Variants in B3GAT2 observed in about 807,000 individuals in gnomAD.
B3GAT2 encodes the protein beta-1,3-glucuronyltransferase 2.
In B3GAT2, 26 loss-of-function variants were observed where a neutral mutation model predicts 27.8. That is an observed-to-expected ratio of 0.93 (90% CI 0.68 to 1.30). B3GAT2 has a LOEUF of 1.30. B3GAT2 is among the 50% of genes most tolerant of loss of function. The probability of loss-of-function intolerance (pLI) is 0.00; values close to 1 mark genes in which losing one functional copy is unlikely to be tolerated. For missense variants in B3GAT2, 458 were observed against 459.0 expected, an observed-to-expected ratio of 1.00 and a Z score of 0.02; for synonymous variants, 218 against 195.1, an observed-to-expected ratio of 1.12 and a Z score of -0.98.
At chr6:70,910,138 G>C (rs571839730) in intron 1 of B3GAT2, among the ~76,000 whole-genome samples, 1 of 152,178 alleles carries the variant, frequency 6.6e-6, no homozygotes, top group African/African-American at 2.4e-5. Flanking sequence ...CTTCCAAAGT[G>C]CTGGGATTAC....
At chr6:70,913,563 AGT>A (rs1048273403) in intron 1 of B3GAT2, among the ~76,000 whole-genome samples, 56 of 152,260 alleles carry the variant, frequency 3.7e-4, no homozygotes, top group African/African-American at 1.3e-3. Flanking sequence ...ATGGTCCAAG[AGT>A]GTGGTTAGTG....
intron 1 of B3GAT2, among the ~76,000 whole-genome samples, chr6:70,918,259 C>A (rs1772807926): frequency 6.6e-6 from 1 of 152,056 alleles, no homozygotes; most frequent in Non-Finnish European, 1.5e-5. Flanking sequence ...CTTGGTAGAT[C>A]TTCTTCCATC....
chr6:70,863,177 C>A (rs1771792469), intron 2 of B3GAT2, among the ~76,000 whole-genome samples: 1 of 152,160 alleles, frequency 6.6e-6, no homozygotes, highest in East Asian at 1.9e-4. Context: ...AAGCTCCGGG[C>A]ACCAACCCAC....
chr6:70,888,115 C>T (rs1716009), intron 2 of B3GAT2, among the ~76,000 whole-genome samples: 16,792 of 152,082 alleles, frequency 0.11, 2,032 homozygotes, highest in East Asian at 0.38. Context: ...ATACAGGAGG[C>T]CCAGCCAGGC....
intron 2 of B3GAT2, among the ~76,000 whole-genome samples, chr6:70,864,603 T>C (rs749502880): frequency 6.6e-6 from 1 of 152,170 alleles, no homozygotes; most frequent in Non-Finnish European, 1.5e-5. Context: ...CGCAATTTCC[T>C]TTGCTCAGTG....
intron 1 of B3GAT2, among the ~76,000 whole-genome samples, chr6:70,930,221 C>T (rs766160861): frequency 2.7e-4 from 41 of 152,170 alleles, no homozygotes; most frequent in Non-Finnish European, 5.1e-4. Flanking sequence ...AAATGTAAGA[C>T]CTAAAACCAT....
chr6:70,902,175 A>T (rs1772510182), intron 1 of B3GAT2, among the ~76,000 whole-genome samples: 1 of 152,208 alleles, frequency 6.6e-6, no homozygotes, highest in Non-Finnish European at 1.5e-5. Flanking sequence ...GCATTAGTGT[A>T]AGGATAAATA....
chr6:70,938,932 C>A (rs1233067832), intron 1 of B3GAT2, among the ~76,000 whole-genome samples: 1 of 151,534 alleles, frequency 6.6e-6, no homozygotes, highest in East Asian at 1.9e-4. Context: ...TTCTGCACAG[C>A]AAAAGAAACT....
rs1771499256 is a variant in B3GAT2, at chr6:70,857,856, A to AT, written c.*3806dup. 14 of 1,546,912 alleles carry AT rather than the reference A, an allele frequency of 9.1e-6. No individual in the cohort carries two copies. The highest frequency in any genetic ancestry group is 1.2e-5 in the Non-Finnish European group (14 of 1,142,134). ...AGTTCAGAAAGGCAATTTTTCTGTG[A>AT]TTATAGAGATGAGTGCAACTACACG... On this transcript the variant is annotated 3_prime_UTR_variant, in exon 4 of 4. Coordinates refer to ENST00000230053, the MANE Select transcript of B3GAT2 (RefSeq NM_080742.3).
chr6:70,935,360 AGGAGAATTGCTTGACCCAGGGAGGT>A (rs1289358064), intron 1 of B3GAT2, among the ~76,000 whole-genome samples: 1 of 152,114 alleles, frequency 6.6e-6, no homozygotes, highest in Non-Finnish European at 1.5e-5. Flanking sequence ...AGGGTGAGGC[AGGAGAATTGCTTGACCCAGGGAGGT>A]GGAGGCTGCA....
At chr6:70,908,501 G>T (rs1481445390) in intron 1 of B3GAT2, among the ~76,000 whole-genome samples, 8 of 152,128 alleles carry the variant, frequency 5.3e-5, no homozygotes, top group African/African-American at 1.9e-4. Context: ...TGAAAAAAAT[G>T]TTTCACAGTT....
intron 1 of B3GAT2, among the ~76,000 whole-genome samples, chr6:70,942,756 C>A (rs1252958228): frequency 2.6e-5 from 4 of 152,116 alleles, no homozygotes; most frequent in East Asian, 1.9e-4. Flanking sequence ...GTAGAGAAGG[C>A]CTACTGACTT....
At chr6:70,947,066 G>A (rs2150051705) in intron 1 of B3GAT2, among the ~76,000 whole-genome samples, 1 of 151,700 alleles carries the variant, frequency 6.6e-6, no homozygotes, top group South Asian at 2.1e-4. Flanking sequence ...AGAATCTCTG[G>A]GACACATTCA....
intron 1 of B3GAT2, among the ~76,000 whole-genome samples, chr6:70,929,104 G>C (rs1048992124): frequency 6.6e-6 from 1 of 151,734 alleles, no homozygotes; most frequent in African/African-American, 2.4e-5. Context: ...GCAAACTATC[G>C]CAAGGACAAA....
chr6:70,951,820 G>A (rs2150053571), intron 1 of B3GAT2, among the ~76,000 whole-genome samples: 1 of 152,158 alleles, frequency 6.6e-6, no homozygotes, highest in Non-Finnish European at 1.5e-5. Context: ...ATAGCTTTCA[G>A]AGGGAAAGAA....
chr6:70,884,109 A>G (rs901470964), intron 2 of B3GAT2, among the ~76,000 whole-genome samples: 1 of 143,272 alleles, frequency 7.0e-6, no homozygotes, highest in Non-Finnish European at 1.5e-5. Context: ...AAAAAAAAAA[A>G]AAAACAAAAA....
intron 2 of B3GAT2, among the ~76,000 whole-genome samples, chr6:70,874,993 T>A (rs1276706430): frequency 6.6e-6 from 1 of 151,852 alleles, no homozygotes; most frequent in Non-Finnish European, 1.5e-5. Flanking sequence ...TTACCAAGAT[T>A]TAGCCTTTTT....
chr6:70,891,487 A>T (rs777328985), intron 2 of B3GAT2, among the ~76,000 whole-genome samples: 5 of 152,182 alleles, frequency 3.3e-5, no homozygotes, highest in Admixed American at 6.5e-5. Flanking sequence ...ACAGTGTAAG[A>T]ACTACTAGAA....
At chr6:70,942,505 C>T (rs960174342) in intron 1 of B3GAT2, among the ~76,000 whole-genome samples, 1 of 152,114 alleles carries the variant, frequency 6.6e-6, no homozygotes, top group East Asian at 1.9e-4. Flanking sequence ...CTTCTCAGCT[C>T]AAATGTCACT....
Sources: allele counts gnomAD v4.1 joint callset (sites outside exome capture counted in the v4.1 genomes callset), GRCh38; gene constraint gnomAD v4.1.1; transcripts MANE v1.5; gene names NCBI Gene and HGNC (gene_info 2026-07-23, HGNC 2026-07-21).